Variants in RNF213 observed in about 807,000 individuals in gnomAD.
RNF213 encodes the protein E3 ubiquitin-protein ligase RNF213.
A neutral mutation model predicts 514.4 loss-of-function variants in RNF213; 341 were observed. The ratio of observed to expected loss-of-function variants is 0.66; its 90% confidence interval spans 0.61 to 0.73. RNF213 has a LOEUF of 0.73. Ranked by LOEUF, RNF213 falls within the 30% of genes least tolerant of loss-of-function variation. RNF213 has a pLI of 0.00. For synonymous variants in RNF213, 2,655 were observed against 2,658.2 expected, an observed-to-expected ratio of 1.00 and a Z score of 0.04; for missense variants, 5,767 against 6,615.6, an observed-to-expected ratio of 0.87 and a Z score of 4.45.
At chr17:80,364,924 T>G in intron 42 of RNF213, 1 of 323,292 alleles carries the variant, frequency 3.1e-6, no homozygotes, top group Non-Finnish European at 6.1e-6. Context: ...ATTTTCATAG[T>G]CATGGAGACA....
Position 80,395,241 on chromosome 17 carries a change from A to C in RNF213, c.*1743A>C, listed in dbSNP as rs956258511. ...GAAATATACTGGCCTAGCAGAGGCA[A>C]AAAAAAAAAAAATGAATTTTATTTT... On this transcript the variant is annotated 3_prime_UTR_variant, in exon 68 of 68. Coordinates refer to ENST00000582970, the MANE Select transcript of RNF213 (RefSeq NM_001256071.3). 95 of 100,228 alleles carry C rather than the reference A, an allele frequency of 9.5e-4. No individual in the cohort carries two copies. The highest frequency in any genetic ancestry group is 4.3e-3 in the African/African-American group (84 of 19,642). The allele number at this position is 100,228 out of a possible 1,614,324, so 6.2% of individuals were successfully genotyped here.
At position 80,313,182 on chromosome 17, in the gene RNF213, G is replaced by A. The variant is rs371808595; in HGVS notation, c.2811+15G>A. The stretch of plus-strand genomic sequence containing the variant: ...AGGAAATTGAGGTAGGCATTTGGCC[G>A]AAGGCTTCTGGGTAGGGATGTGACT... On this transcript the variant is annotated intron_variant, in intron 15 of 67. Transcript: ENST00000582970. 71 of 1,613,818 alleles carry A rather than the reference G, an allele frequency of 4.4e-5. No homozygotes were observed. The highest frequency in any genetic ancestry group is 3.3e-4 in the Middle Eastern group (2 of 6,084).
intron 17 of RNF213, chr17:80,319,954 G>A (rs1286520794): frequency 1.8e-5 from 18 of 1,026,386 alleles, no homozygotes; most frequent in Non-Finnish European, 1.8e-5. Flanking sequence ...GGGACCAAGG[G>A]GTTCTAATTT....
At chr17:80,296,294 G>A (rs1039371956) in intron 10 of RNF213, among the ~76,000 whole-genome samples, 4 of 152,156 alleles carry the variant, frequency 2.6e-5, no homozygotes, top group Non-Finnish European at 5.9e-5. Context: ...TGCTAGGATT[G>A]TAGGCGTGAG....
chr17:80,345,731 G>A lies in RNF213; in HGVS notation c.7396G>A (p.Glu2466Lys). The A allele has an allele frequency of 6.2e-7, 1 of 1,614,226 alleles. No homozygotes were observed. Among genetic ancestry groups the A allele is most frequent in the Non-Finnish European group, 8.5e-7 (1 of 1,180,042 alleles). ...AGACATGATCTACTCCAGAGTCAGG[G>A]AGGCTGAAAATGTGGCCTTCGCCAA... ...TADMIYSRVR[E>K]AENVAFANKD... The change falls in exon 29 of 68, where the codon GAG becomes AAG. Residue 2466 changes from glutamate (E) to lysine (K), a missense_variant. Coordinates refer to ENST00000582970, the MANE Select transcript of RNF213 (RefSeq NM_001256071.3). The surrounding 1 kb of genome is among the most constrained non-coding windows in gnomAD (Gnocchi z 6.0).
At position 80,263,908 on chromosome 17, in the gene RNF213, G is replaced by A; in HGVS notation, c.97+130G>A. On this transcript the variant is annotated intron_variant, in intron 2 of 67. Coordinates refer to ENST00000582970, the MANE Select transcript of RNF213 (RefSeq NM_001256071.3). The surrounding 1 kb of genome is among the most constrained non-coding windows in gnomAD (Gnocchi z 4.9). ...GGGGCCGAGGTCCTCTGTGGCTACT[G>A]AGGCTCTGTGGCTCTGAATAGCCAT... is the stretch of plus-strand genomic sequence containing the variant. 1.4e-6 allele frequency: 1 copy of A among 714,282 alleles called. No individual in the cohort carries two copies. Among genetic ancestry groups the A allele is most frequent in the South Asian group, 1.6e-5 (1 of 64,272 alleles). The allele number at this position is 714,282 out of a possible 1,614,324, so 44.2% of individuals were successfully genotyped here. A position where few individuals can be genotyped will look rare whatever the true frequency, so the allele number is the denominator to read the frequency against.
chr17:80,340,622 T>G (rs1275648015), intron 26 of RNF213: 5 of 414,186 alleles, frequency 1.2e-5, no homozygotes, highest in African/African-American at 4.7e-5. Flanking sequence ...TTTTTTTTTT[T>G]TTTTTTTTTT....
At chr17:80,391,028 C>T (rs1257554126) in intron 67 of RNF213, among the ~76,000 whole-genome samples, 2 of 152,202 alleles carry the variant, frequency 1.3e-5, no homozygotes, top group East Asian at 3.9e-4. Flanking sequence ...CACCACTGCA[C>T]TCCAGCCTGG....
At chr17:80,334,378 A>G (rs992162930) in intron 22 of RNF213, 108 bp downstream of exon 22, 29 of 1,222,212 alleles carry the variant, frequency 2.4e-5, no homozygotes, top group Non-Finnish European at 3.2e-5. Flanking sequence ...GCCAAGGACT[A>G]CGTAAAGGGC....
chr17:80,378,540 T>C (rs375801026), intron 54 of RNF213, among the ~76,000 whole-genome samples: 18 of 152,128 alleles, frequency 1.2e-4, no homozygotes, highest in East Asian at 5.8e-4. Context: ...ACTATAAACA[T>C]TGAACTCCTG....
chr17:80,297,270 T>C (rs1394884979), intron 10 of RNF213, among the ~76,000 whole-genome samples: 1 of 149,210 alleles, frequency 6.7e-6, no homozygotes, highest in Non-Finnish European at 1.5e-5. Context: ...ACCAACATGG[T>C]GAAACACTGT....
chr17:80,260,989 A>G (rs890081682), intron 1 of RNF213, 87 bp downstream of exon 1: 4 of 149,648 alleles, frequency 2.7e-5, no homozygotes, highest in Non-Finnish European at 6.0e-5. Flanking sequence ...GGTCCCGGGG[A>G]GCGGCGCCTG....
rs538283329 is a variant in RNF213, at chr17:80,351,558, C to T, written c.10185-127C>T. 1.2e-4 allele frequency: 77 copies of T among 642,412 alleles called. 1 individual carries two copies. The highest frequency in any genetic ancestry group is 4.5e-4 in the Admixed American group (18 of 40,204). The allele number at this position is 642,412 out of a possible 1,614,324, so 39.8% of individuals were successfully genotyped here. ...TGTAAAACTCATCGGAACGGGTGGC[C>T]GTGAGACCGAACCAACAGCTCGGAG... On this transcript the variant is annotated intron_variant, in intron 31 of 67. Transcript: ENST00000582970.
chr17:80,377,706 A>C lies in RNF213; in HGVS notation c.13511-56A>C. 1 of 1,598,626 alleles carries C rather than the reference A, an allele frequency of 6.3e-7. No homozygotes were observed. The highest frequency in any genetic ancestry group is 8.6e-7 in the Non-Finnish European group (1 of 1,165,834). ...GTAGAGAGTTAGCTTTCCCTTTTCA[A>C]TGTGGGTCATTGGGTGAAACCTCAT... On this transcript the variant is annotated intron_variant, in intron 53 of 67. Coordinates refer to ENST00000582970, the MANE Select transcript of RNF213 (RefSeq NM_001256071.3). The surrounding 1 kb of genome is among the most constrained non-coding windows in gnomAD (Gnocchi z 4.1).
intron 14 of RNF213, among the ~76,000 whole-genome samples, chr17:80,311,351 T>C (rs2045564580): frequency 6.6e-6 from 1 of 152,228 alleles, no homozygotes; most frequent in Non-Finnish European, 1.5e-5. Context: ...TCCGGAGGTC[T>C]GTGCAGCCTC....
chr17:80,388,506 GC>G, intron 63 of RNF213, 105 bp from the exon 64 acceptor site: 1 of 798,552 alleles, frequency 1.3e-6, no homozygotes, highest in Non-Finnish European at 2.2e-6. Flanking sequence ...ACACAGGGCA[GC>G]GCGGCACTAC....
At position 80,269,478 on chromosome 17, in the gene RNF213, T is replaced by TGTCC. The variant is rs1443335603; in HGVS notation, c.98-3763_98-3762insGTCC. On this transcript the variant is annotated intron_variant, in intron 2 of 67. Transcript: ENST00000582970. Reference sequence around the variant, plus strand: ...TATTCATCCATCCATTCATCTATTCTATCTATCCATCCATCCATTCATCTA... The same window carrying TGTCC: ...TATTCATCCATCCATTCATCTATTCTGTCCATCTATCCATCCATCCATTCATCTA... Among the ~76,000 whole-genome samples the TGTCC allele has an allele frequency of 5.4e-5, 8 of 149,460 alleles. No homozygotes were observed. In the East Asian group the frequency reaches 1.7e-3, roughly 32 times the overall value.
Position 80,394,860 on chromosome 17 carries a change from A to C in RNF213, c.*1362A>C, listed in dbSNP as rs1189993374. ...TTCACACAGTCCCTGGCATTTAGTC[A>C]TCTGTGATTGTTTTATCACTCTGGA... On this transcript the variant is annotated 3_prime_UTR_variant, in exon 68 of 68. Transcript: ENST00000582970. The C allele has an allele frequency of 6.6e-6, 1 of 152,158 alleles. No homozygotes were observed. The highest frequency in any genetic ancestry group is 2.4e-5 in the African/African-American group (1 of 41,430). 9.4% of individuals were successfully genotyped at this position (152,158 alleles called of 1,614,324 possible).
In RNF213 at chr17:80,343,061, G is replaced by C; in HGVS notation, c.5990-71G>C. On this transcript the variant is annotated intron_variant, in intron 26 of 67. Coordinates refer to ENST00000582970, the MANE Select transcript of RNF213 (RefSeq NM_001256071.3). This position sits in a 1 kb window ranked among gnomAD's most constrained non-coding sequence, Gnocchi z 4.3. ...GACCTCAAGTGATCCCCCCGCCTCG[G>C]CCTCCCAAAGTGCTAGGATTACAGG... 1 of 1,293,872 alleles carries C rather than the reference G, an allele frequency of 7.7e-7. No individual in the cohort carries two copies. Among genetic ancestry groups the C allele is most frequent in the Non-Finnish European group, 1.1e-6 (1 of 892,772 alleles). 80.1% of individuals were successfully genotyped at this position (1,293,872 alleles called of 1,614,324 possible).
Sources: gnomAD v4.1 joint callset for allele counts (sites outside exome capture counted in the v4.1 genomes callset) on GRCh38, gnomAD v4.1.1 for gene constraint, Gnocchi (gnomAD v3.1) non-coding constraint, MANE v1.5 for transcripts, NCBI Gene and HGNC (gene_info 2026-07-23, HGNC 2026-07-21) for gene names.